Variants in PHF20 observed in about 807,000 individuals in gnomAD.
The protein encoded by PHF20 is PHD finger protein 20, also known as glioma-expressed antigen 2.
Under a neutral mutation model 113.5 loss-of-function variants are expected in PHF20, and 23 were observed. That is an observed-to-expected ratio of 0.20 (90% confidence interval 0.15 to 0.29). The LOEUF (loss-of-function observed/expected upper bound fraction) is 0.29, where lower values mean the gene tolerates loss of function less well. PHF20 is among the 10% of genes least tolerant of loss of function. The pLI is 1.00. For missense variants in PHF20, 943 were observed against 1,219.6 expected (o/e 0.77, Z 3.38); for synonymous variants, 434 against 457.3 (o/e 0.95, Z 0.65).
chr20:35,805,082 C>A (rs924417431), intron 2 of PHF20, among the ~76,000 whole-genome samples: 4 of 149,774 alleles, frequency 2.7e-5, no homozygotes, highest in Admixed American at 6.7e-5. Flanking sequence ...TTTTTTATTT[C>A]TAGTAGAGCC....
intron 14 of PHF20, 36 bp downstream of exon 14, chr20:35,927,915 T>C: frequency 4.2e-6 from 6 of 1,429,128 alleles, no homozygotes; most frequent in Non-Finnish European, 4.9e-6. Context: ...TAACAGTATG[T>C]AGCCTTTTCC....
intron 15 of PHF20, among the ~76,000 whole-genome samples, chr20:35,936,842 G>A (rs1008904956): frequency 6.6e-6 from 1 of 152,172 alleles, no homozygotes; most frequent in Non-Finnish European, 1.5e-5. Context: ...ATGAAACTCA[G>A]TGTTTGATGG....
intron 1 of PHF20, among the ~76,000 whole-genome samples, chr20:35,793,022 G>A (rs1012839645): frequency 1.8e-4 from 27 of 152,220 alleles, no homozygotes; most frequent in East Asian, 3.9e-4. Flanking sequence ...CTTCCTCCAC[G>A]GCAGAACTTT....
chr20:35,869,383 G>T, intron 6 of PHF20, 55 bp from the exon 7 acceptor site: 1 of 851,662 alleles, frequency 1.2e-6, no homozygotes, highest in South Asian at 1.6e-5. Flanking sequence ...ATATAAAAAT[G>T]ACAGACACTA....
chr20:35,945,267 T>C (rs914342961), intron 17 of PHF20, among the ~76,000 whole-genome samples: 10 of 152,118 alleles, frequency 6.6e-5, no homozygotes, highest in African/African-American at 2.4e-4. Flanking sequence ...GTTAGGGATA[T>C]AGTGGCAAGC....
At chr20:35,885,115 T>G (rs1323902583) in intron 9 of PHF20, among the ~76,000 whole-genome samples, 1 of 152,216 alleles carries the variant, frequency 6.6e-6, no homozygotes, top group Non-Finnish European at 1.5e-5. Flanking sequence ...ATTACAGGCA[T>G]GAGCCACCAT....
intron 4 of PHF20, among the ~76,000 whole-genome samples, chr20:35,848,333 G>A (rs1200845982): frequency 6.6e-6 from 1 of 151,834 alleles, no homozygotes; most frequent in African/African-American, 2.4e-5. Context: ...AGTGGTGCCA[G>A]CTCAGCTCAC....
At chr20:35,800,389 C>T (rs777055663) in intron 1 of PHF20, among the ~76,000 whole-genome samples, 1 of 149,292 alleles carries the variant, frequency 6.7e-6, no homozygotes, top group Admixed American at 6.8e-5. Flanking sequence ...CATGCCATTG[C>T]ACTCCAGCCT....
rs2147146513 is a variant in PHF20 at position 35,950,044 on chromosome 20, AC to A, written c.*2418del. 1 of 152,568 alleles carries A rather than the reference AC, an allele frequency of 6.6e-6. No homozygotes were observed. The highest frequency in any genetic ancestry group is 2.1e-4 in the South Asian group (1 of 4,822). 9.5% of individuals were successfully genotyped at this position (152,568 alleles called of 1,614,324 possible). On this transcript the variant is annotated 3_prime_UTR_variant, in exon 18 of 18. Coordinates refer to ENST00000374012, the MANE Select transcript of PHF20 (RefSeq NM_016436.5). Reference sequence around the variant, plus strand: ...CTCCAGCTCGGGCGACAACTGCAAGACTCCATCTCAAAAAAATAAAAATAAA... The same window carrying A: ...CTCCAGCTCGGGCGACAACTGCAAGATCCATCTCAAAAAAATAAAAATAAA...
intron 2 of PHF20, among the ~76,000 whole-genome samples, chr20:35,837,034 G>A (rs2042454822): frequency 6.6e-6 from 1 of 151,794 alleles, no homozygotes; most frequent in Admixed American, 6.6e-5. Flanking sequence ...TATCTTAGCC[G>A]AGCATGGTGG....
In PHF20 at chr20:35,938,855, G is replaced by C; in HGVS notation, c.2459G>C (p.Arg820Thr). 6.2e-7 allele frequency: 1 copy of C among 1,614,186 alleles called. No homozygotes were observed. Among genetic ancestry groups the C allele is most frequent in the South Asian group, 1.1e-5 (1 of 91,088 alleles). ...RTLNGAVEKP[R>T]PLALPLPRSV... ...TTGAACGGGGCAGTGGAGAAGCCCA[G>C]GCCCCTGGCCCTGCCCCTGCCGCGT... The change falls in exon 16 of 18, where the codon AGG becomes ACG. Residue 820 changes from arginine (R) to threonine (T), a missense_variant. Physicochemically the swap from Arg to Thr is moderately conservative, Grantham distance 71. Transcript: ENST00000374012.
intron 1 of PHF20, among the ~76,000 whole-genome samples, chr20:35,786,393 A>C (rs2041416779): frequency 6.6e-6 from 1 of 151,034 alleles, no homozygotes; most frequent in Non-Finnish European, 1.5e-5. Flanking sequence ...CCGTCTCAAT[A>C]AATAAATAAA....
chr20:35,800,938 G>A (rs2041769373), intron 1 of PHF20, among the ~76,000 whole-genome samples: 4 of 152,070 alleles, frequency 2.6e-5, no homozygotes. Flanking sequence ...GAAACAACTT[G>A]GCTCTGCCTT....
intron 4 of PHF20, among the ~76,000 whole-genome samples, chr20:35,849,895 C>T (rs2042688712): frequency 6.6e-6 from 1 of 152,158 alleles, no homozygotes; most frequent in Non-Finnish European, 1.5e-5. Context: ...TCTTAATCTC[C>T]TTGGATGTTT....
At position 35,871,060 on chromosome 20, in the gene PHF20, A is replaced by G; in HGVS notation, c.1028A>G (p.Asp343Gly). 1 of 1,613,438 alleles carries G rather than the reference A, an allele frequency of 6.2e-7. No individual in the cohort carries two copies. Among genetic ancestry groups the G allele is most frequent in the East Asian group, 2.2e-5 (1 of 44,852 alleles). ...GGGACCCATGAGATCCTAGATCCTG[A>G]CTTGGTTGTATCAGATTTGGTTGAT... ...TNGTHEILDP[D>G]LVVSDLVDTD... The change falls in exon 8 of 18, where the codon GAC becomes GGC. Residue 343 changes from aspartate (D) to glycine (G), a missense_variant. By Grantham distance (94) the Asp-to-Gly change is moderately conservative. Around this residue, in one of 3 missense-constraint regions of PHF20, gnomAD observed 592 missense variants for 787.2 expected, o/e 0.75. Coordinates refer to ENST00000374012, the MANE Select transcript of PHF20 (RefSeq NM_016436.5).
chr20:35,840,588 C>T (rs375654324), intron 2 of PHF20, among the ~76,000 whole-genome samples: 1 of 152,170 alleles, frequency 6.6e-6, no homozygotes. Context: ...CTGCCATCTG[C>T]ACCACTGCTG....
intron 2 of PHF20, among the ~76,000 whole-genome samples, chr20:35,828,588 C>T (rs532315792): frequency 4.6e-5 from 7 of 152,296 alleles, no homozygotes; most frequent in Non-Finnish European, 8.8e-5. Context: ...CTTCCTGGGG[C>T]TTAAGGTCAT....
intron 1 of PHF20, among the ~76,000 whole-genome samples, chr20:35,796,481 C>T (rs144750874): frequency 6.6e-6 from 1 of 152,018 alleles, no homozygotes; most frequent in Non-Finnish European, 1.5e-5. Flanking sequence ...ATAAGCAGTT[C>T]CACAGGTTGT....
chr20:35,839,070 G>C (rs1306768131), intron 2 of PHF20, among the ~76,000 whole-genome samples: 1 of 151,726 alleles, frequency 6.6e-6, no homozygotes, highest in Non-Finnish European at 1.5e-5. Flanking sequence ...TGAGAAAGCT[G>C]TTGCTAGAGA....
Sources: allele counts gnomAD v4.1 joint callset (sites outside exome capture counted in the v4.1 genomes callset), GRCh38; gene constraint gnomAD v4.1.1; regional missense constraint gnomAD v4.1.1; transcripts MANE v1.5; gene names NCBI Gene and HGNC (gene_info 2026-07-23, HGNC 2026-07-21).